The following KLF8 variants were observed in gnomAD, a reference collection of about 807,000 sequenced individuals.
KLF8 encodes the protein Krueppel-like factor 8.
In KLF8, 10 loss-of-function variants were observed where a neutral mutation model predicts 18.2. That is an observed-to-expected ratio of 0.55 (90% CI 0.34 to 0.93). The LOEUF is 0.93. Among genes scored for constraint, KLF8 ranks in the 40% least tolerant of loss-of-function variants. KLF8 has a pLI of 0.02. For synonymous variants in KLF8, 109 were observed against 97.3 expected, an observed-to-expected ratio of 1.12 and a Z score of -0.71; for missense variants, 264 against 277.9, an observed-to-expected ratio of 0.95 and a Z score of 0.36.
At chrX:55,991,353 A>G in the KLF8 span, among the ~76,000 whole-genome samples, 1 of 112,113 alleles carries the variant, frequency 8.9e-6, no homozygotes, top group Non-Finnish European at 1.9e-5. Flanking sequence ...GACGATTGGA[A>G]GGGTGCAGTA....
At chrX:56,243,192 C>A in intron 1 of KLF8, 1 of 499,600 alleles carries the variant, frequency 2.0e-6, no homozygotes, top group Non-Finnish European at 3.7e-6. Context: ...GCATAGTAGT[C>A]AAGCTTGTTT....
chrX:56,236,143 T>C lies in KLF8; in HGVS notation c.7+2802T>C, dbSNP rs2066471445. ...ATTTCAAATCACTAGCAATTTGACA[T>C]TTTGTTGTAACCTCACACTCACCAT... On this transcript the variant is annotated intron_variant, in intron 1 of 5. Coordinates refer to ENST00000468660, the MANE Select transcript of KLF8 (RefSeq NM_007250.5). Among the ~76,000 whole-genome samples, 5 of 111,857 alleles carry C rather than the reference T, an allele frequency of 4.5e-5. No individual in the cohort carries two copies. In the Admixed American group the frequency reaches 4.7e-4, roughly 11 times the overall value.
At chrX:56,134,185 CA>C in the KLF8 span, among the ~76,000 whole-genome samples, 61 of 107,463 alleles carry the variant, frequency 5.7e-4, no homozygotes, top group African/African-American at 1.3e-3. Context: ...CATATGGAAC[CA>C]AAAAAAAAAT....
the KLF8 span, among the ~76,000 whole-genome samples, chrX:56,006,341 T>C: frequency 8.9e-6 from 1 of 112,140 alleles, no homozygotes; most frequent in Non-Finnish European, 1.9e-5. Context: ...CAGGAGTTGC[T>C]GCAATCCAGG....
At chrX:56,277,173 C>A (rs2067133955) in intron 5 of KLF8, among the ~76,000 whole-genome samples, 2 of 111,854 alleles carry the variant, frequency 1.8e-5, no homozygotes, top group African/African-American at 6.5e-5. Context: ...TTATGTGGTT[C>A]ATTTGGTTTG....
chrX:56,148,568 G>A, the KLF8 span, among the ~76,000 whole-genome samples: 6 of 111,698 alleles, frequency 5.4e-5, no homozygotes, highest in African/African-American at 6.5e-5. Context: ...CTGTTCTCAC[G>A]CTGCTAATAA....
chrX:55,952,649 A>G, the KLF8 span, among the ~76,000 whole-genome samples: 1 of 111,958 alleles, frequency 8.9e-6, no homozygotes, highest in Non-Finnish European at 1.9e-5. Flanking sequence ...TCTTAATCAC[A>G]TCTGTAAAAT....
chrX:56,154,255 G>C, the KLF8 span, among the ~76,000 whole-genome samples: 1 of 109,012 alleles, frequency 9.2e-6, no homozygotes, highest in African/African-American at 3.5e-5. Flanking sequence ...CCAAAACAGA[G>C]ATATAGACCA....
At chrX:56,101,835 G>A in the KLF8 span, among the ~76,000 whole-genome samples, 1 of 111,464 alleles carries the variant, frequency 9.0e-6, no homozygotes, top group Non-Finnish European at 1.9e-5. Flanking sequence ...GGTTCCTTAT[G>A]CATTTGGATA....
the KLF8 span, among the ~76,000 whole-genome samples, chrX:56,113,273 A>AT: frequency 1.9e-5 from 2 of 103,532 alleles, no homozygotes; most frequent in East Asian, 2.9e-4. Context: ...ATTTTTGTTT[A>AT]TTTTTTCCTG....
At chrX:55,993,910 G>GTT in the KLF8 span, among the ~76,000 whole-genome samples, 8 of 90,023 alleles carry the variant, frequency 8.9e-5, no homozygotes, top group Admixed American at 2.5e-4. Context: ...GTTTATAGAG[G>GTT]TTTTTTTTTT....
chrX:56,069,741 ATGCCCGGCTTCCTGCCCAGCAGTCT>A, the KLF8 span, among the ~76,000 whole-genome samples: 2 of 110,890 alleles, frequency 1.8e-5, no homozygotes, highest in African/African-American at 3.3e-5. Flanking sequence ...CCCAGCAGTC[ATGCCCGGCTTCCTGCCCAGCAGTCT>A]TGCCCGGCTT....
the KLF8 span, among the ~76,000 whole-genome samples, chrX:56,122,828 A>G: frequency 9.0e-6 from 1 of 110,755 alleles, no homozygotes; most frequent in African/African-American, 3.3e-5. Flanking sequence ...GGCTCAAGTG[A>G]TCCTCCTGCC....
chrX:56,270,756 G>A (rs998724236), intron 5 of KLF8, among the ~76,000 whole-genome samples: 1 of 110,556 alleles, frequency 9.0e-6, no homozygotes, highest in Non-Finnish European at 1.9e-5. Context: ...TAAACTATGT[G>A]AAATTAAAGC....
chrX:55,970,755 T>A, the KLF8 span, among the ~76,000 whole-genome samples: 9 of 111,784 alleles, frequency 8.1e-5, no homozygotes, highest in Non-Finnish European at 1.3e-4. Flanking sequence ...GTAGGACTTC[T>A]ATATGCCACT....
chrX:56,130,538 T>C, the KLF8 span, among the ~76,000 whole-genome samples: 2 of 111,434 alleles, frequency 1.8e-5, no homozygotes, highest in African/African-American at 6.5e-5. Flanking sequence ...TGACATAGCC[T>C]ACCCAAATGA....
Position 56,289,335 on chromosome X carries a change from T to C in KLF8, c.*4841T>C, listed in dbSNP as rs1313220820. Among the ~76,000 whole-genome samples the C allele has an allele frequency of 9.0e-6, 1 of 110,694 alleles. No homozygotes were observed. The highest frequency in any genetic ancestry group is 1.9e-5 in the Non-Finnish European group (1 of 52,991). ...TCATCTTGTATATTTTGTGGCCTAC[T>C]CCTATAATCAGCCATTTCTTCAAGA... On this transcript the variant is annotated 3_prime_UTR_variant, in exon 6 of 6. Transcript: ENST00000468660.
chrX:55,929,340 T>C, the KLF8 span, among the ~76,000 whole-genome samples: 1 of 112,393 alleles, frequency 8.9e-6, no homozygotes, highest in African/African-American at 3.2e-5. Context: ...TGATGATAGT[T>C]TCTTTTGCTG....
At chrX:56,002,403 A>T in the KLF8 span, among the ~76,000 whole-genome samples, 2 of 87,441 alleles carry the variant, frequency 2.3e-5, no homozygotes, top group African/African-American at 8.9e-5. Context: ...ATTGTAATTA[A>T]TCAATTTGTG....
Sources: allele counts gnomAD v4.1 joint callset (sites outside exome capture counted in the v4.1 genomes callset), GRCh38; gene constraint gnomAD v4.1.1; transcripts MANE v1.5; gene names NCBI Gene and HGNC (gene_info 2026-07-23, HGNC 2026-07-21).